Variants in SLC44A3 observed in about 807,000 individuals in gnomAD.
The protein encoded by SLC44A3 is choline transporter-like protein 3.
SLC44A3 carries 74 observed loss-of-function variants against 75.4 expected under a neutral mutation model. The observed-to-expected ratio is 0.98, with a 90% CI of 0.81 to 1.19. The LOEUF is 1.19. SLC44A3 is among the 50% of genes most tolerant of loss of function. SLC44A3 has a pLI of 0.00. For missense variants in SLC44A3, 700 were observed against 778.6 expected (o/e 0.90, Z 1.20); for synonymous variants, 310 against 296.9 (o/e 1.04, Z -0.45).
chr1:94,840,283 C>CTTTTTTTTTTT (rs56383271), intron 7 of SLC44A3, among the ~76,000 whole-genome samples: 8 of 77,360 alleles, frequency 1.0e-4, no homozygotes, highest in African/African-American at 2.6e-4. Context: ...TTTCTTTTTC[C>CTTTTTTTTTTT]TTTTTTTTTT....
chr1:94,831,402 G>C (rs774148594), intron 5 of SLC44A3, among the ~76,000 whole-genome samples: 1 of 152,136 alleles, frequency 6.6e-6, no homozygotes, highest in Non-Finnish European at 1.5e-5. Flanking sequence ...ACATGAGAAG[G>C]GTGGCTATAG....
Position 94,824,568 on chromosome 1 carries a change from ATG to A in SLC44A3, c.216_217del (p.Cys72TrpfsTer50). On this transcript the variant is annotated frameshift_variant, in exon 3 of 15. Transcript: ENST00000271227. LOFTEE classifies it high-confidence loss of function. ...CTTTGGCTATGACAGCTTTGGCAACATGTGTGGCAAGAAGAACTCCCCCGTGG... is the reference window on the plus strand; with the variant it reads ...CTTTGGCTATGACAGCTTTGGCAACATGTGGCAAGAAGAACTCCCCCGTGG... Reference protein sequence around the residue: ...LLFGYDSFGNMCGKKNSPVEG... With the variant: ...LLFGYDSFGNXCGKKNSPVEG... The A allele has an allele frequency of 6.2e-6, 10 of 1,613,040 alleles. No homozygotes were observed. Among genetic ancestry groups the A allele is most frequent in the Non-Finnish European group, 7.6e-6 (9 of 1,179,722 alleles).
At chr1:94,887,808 T>C (rs1669754086) in intron 12 of SLC44A3, among the ~76,000 whole-genome samples, 1 of 152,096 alleles carries the variant, frequency 6.6e-6, no homozygotes, top group Non-Finnish European at 1.5e-5. Context: ...GTGGAGCTGC[T>C]GTAAGACGAT....
chr1:94,849,204 C>T (rs891581854), intron 9 of SLC44A3, among the ~76,000 whole-genome samples: 2 of 152,098 alleles, frequency 1.3e-5, no homozygotes, highest in South Asian at 2.1e-4. Flanking sequence ...TGAAGTGTGA[C>T]GATTCACTGT....
Position 94,845,374 on chromosome 1 carries a change from T to C in SLC44A3, c.982T>C (p.Phe328Leu), listed in dbSNP as rs1274882677. The change falls in exon 9 of 15, where the codon TTC (phenylalanine) becomes CTC (leucine). Residue 328 changes from phenylalanine to leucine, a missense_variant. Physicochemically the swap from Phe to Leu is conservative, Grantham distance 22 (BLOSUM62 0). Transcript: ENST00000271227. ...ITNKAISSAPFLLFQPLWTFA... is the reference protein window; with the variant it reads ...ITNKAISSAPLLLFQPLWTFA... ...AAATAAAGCCATCAGCAGTGCTCCC[T>C]TCCTGCTGTTCCAGCCACTGTGGAC... 24 of 1,614,060 alleles carry C rather than the reference T, an allele frequency of 1.5e-5. No individual in the cohort carries two copies. Among genetic ancestry groups the C allele is most frequent in the Non-Finnish European group, 2.0e-5 (24 of 1,180,008 alleles).
chr1:94,841,892 G>T, intron 7 of SLC44A3, 108 bp from the exon 8 acceptor site: 1 of 1,433,878 alleles, frequency 7.0e-7, no homozygotes. Flanking sequence ...CCAGAGCAGT[G>T]CCACGCGGCC....
chr1:94,826,522 G>A (rs1417408011), intron 3 of SLC44A3, among the ~76,000 whole-genome samples: 1 of 151,916 alleles, frequency 6.6e-6, no homozygotes. Flanking sequence ...GTGGTGGCAG[G>A]CACCAGTAGT....
At chr1:94,848,357 C>T (rs1013750316) in intron 9 of SLC44A3, among the ~76,000 whole-genome samples, 9 of 152,162 alleles carry the variant, frequency 5.9e-5, no homozygotes, top group African/African-American at 2.2e-4. Flanking sequence ...CAGCTAGAGC[C>T]AGCTGGGGAT....
At chr1:94,824,451 C>A in intron 2 of SLC44A3, 42 bp from the exon 3 acceptor site, 1 of 1,551,454 alleles carries the variant, frequency 6.4e-7, no homozygotes, top group Non-Finnish European at 8.7e-7. Context: ...ACTGTGCGCT[C>A]AGCCCTTTGG....
intron 14 of SLC44A3, among the ~76,000 whole-genome samples, chr1:94,894,169 C>T (rs1174680027): frequency 6.6e-6 from 1 of 152,160 alleles, no homozygotes; most frequent in African/African-American, 2.4e-5. Flanking sequence ...AAGAAACTTT[C>T]TTAAGGATCC....
At chr1:94,863,496 C>G (rs1037442620) in intron 10 of SLC44A3, among the ~76,000 whole-genome samples, 1 of 151,804 alleles carries the variant, frequency 6.6e-6, no homozygotes, top group African/African-American at 2.4e-5. Flanking sequence ...AGTTCTAAGG[C>G]ACACAAATCT....
intron 9 of SLC44A3, 123 bp from the exon 10 acceptor site, chr1:94,857,212 C>A: frequency 1.0e-6 from 1 of 957,362 alleles, no homozygotes; most frequent in Non-Finnish European, 1.5e-6. Flanking sequence ...ATGGTGGGTA[C>A]TTGATTTTGG....
intron 10 of SLC44A3, among the ~76,000 whole-genome samples, chr1:94,858,011 A>G (rs1188231036): frequency 2.0e-5 from 3 of 151,956 alleles, no homozygotes; most frequent in Non-Finnish European, 4.4e-5. Flanking sequence ...ACAGGGTTTC[A>G]CCATGTTGGC....
chr1:94,877,806 G>A (rs1668457235), intron 12 of SLC44A3, among the ~76,000 whole-genome samples: 2 of 152,154 alleles, frequency 1.3e-5, no homozygotes, highest in Admixed American at 1.3e-4. Flanking sequence ...GAGAGCATTT[G>A]CTAGACTTGC....
intron 5 of SLC44A3, among the ~76,000 whole-genome samples, chr1:94,830,011 A>C (rs914612581): frequency 1.3e-5 from 2 of 152,230 alleles, no homozygotes; most frequent in African/African-American, 4.8e-5. Flanking sequence ...TCATAGTCTT[A>C]TAACTGGTTG....
At chr1:94,820,744 G>A in intron 1 of SLC44A3, 1 of 1,394,070 alleles carries the variant, frequency 7.2e-7, no homozygotes. Flanking sequence ...GGCGGCAGGG[G>A]GCTTAACATC....
intron 12 of SLC44A3, among the ~76,000 whole-genome samples, chr1:94,869,767 T>C (rs1667557843): frequency 6.6e-6 from 1 of 152,196 alleles, no homozygotes; most frequent in Non-Finnish European, 1.5e-5. Context: ...AAAAGGAATT[T>C]AGATTCACCT....
chr1:94,884,399 GT>G (rs1222497603), intron 12 of SLC44A3, among the ~76,000 whole-genome samples: 2 of 152,338 alleles, frequency 1.3e-5, no homozygotes, highest in South Asian at 4.1e-4. Context: ...GTTCCTGCCA[GT>G]TTTACTGTAG....
chr1:94,847,202 A>G (rs1013084130), intron 9 of SLC44A3, among the ~76,000 whole-genome samples: 9 of 152,262 alleles, frequency 5.9e-5, no homozygotes, highest in Non-Finnish European at 1.0e-4. Context: ...TGTCACACAG[A>G]TGAAGTCCAC....
Sources: gnomAD v4.1 joint callset for allele counts (sites outside exome capture counted in the v4.1 genomes callset) on GRCh38, gnomAD v4.1.1 for gene constraint, MANE v1.5 for transcripts, NCBI Gene and HGNC (gene_info 2026-07-23, HGNC 2026-07-21) for gene names.